The following LIN7A variants were observed in gnomAD, a reference collection of about 807,000 sequenced individuals.
LIN7A encodes lin-7 cell polarity scaffold A.
Under a neutral mutation model 29.8 loss-of-function variants are expected in LIN7A, and 25 were observed. The observed-to-expected ratio is 0.84, with a 90% CI of 0.61 to 1.17. The LOEUF (loss-of-function observed/expected upper bound fraction) is 1.17, where lower values mean the gene tolerates loss of function less well. LIN7A is among the 50% of genes most tolerant of loss of function. The pLI is 0.00. For synonymous variants in LIN7A, 118 were observed against 107.5 expected, an observed-to-expected ratio of 1.10 and a Z score of -0.60; for missense variants, 239 against 287.0, an observed-to-expected ratio of 0.83 and a Z score of 1.21.
chr12:80,909,032 C>A (rs1017977006), intron 1 of LIN7A, among the ~76,000 whole-genome samples: 2 of 152,000 alleles, frequency 1.3e-5, no homozygotes, highest in Non-Finnish European at 2.9e-5. Flanking sequence ...TTAACCTAGG[C>A]AGTTTTGGAC....
In LIN7A at chr12:80,810,101, C is replaced by T. The variant is rs144655257; in HGVS notation, c.*1364G>A. On this transcript the variant is annotated intron_variant, in intron 5 of 5. Transcript: ENST00000552864. ...ATAGTTACCAAGTTGTATAATAGAT[C>T]ATCTTAACTTATTCCCCTTCTACCT... is the stretch of plus-strand genomic sequence containing the variant. Among the ~76,000 whole-genome samples, 6 of 152,204 alleles carry T rather than the reference C, an allele frequency of 3.9e-5. No homozygotes were observed. The East Asian group carries it at 1.2e-3, about 29-fold the overall frequency.
chr12:80,890,173 A>C (rs1324733915), intron 1 of LIN7A, among the ~76,000 whole-genome samples: 1 of 152,176 alleles, frequency 6.6e-6, no homozygotes, highest in Non-Finnish European at 1.5e-5. Context: ...ATAGACATAA[A>C]ATTTAAAATT....
chr12:80,825,366 A>T (rs1671718447), intron 4 of LIN7A, among the ~76,000 whole-genome samples: 1 of 152,238 alleles, frequency 6.6e-6, no homozygotes, highest in South Asian at 2.1e-4. Flanking sequence ...CCCAGGGATG[A>T]TACAGCCTGG....
intron 1 of LIN7A, among the ~76,000 whole-genome samples, chr12:80,899,041 C>T (rs1257561205): frequency 6.6e-6 from 1 of 152,108 alleles, no homozygotes; most frequent in Non-Finnish European, 1.5e-5. Context: ...GGTGATAAGG[C>T]ATCCTTGTCT....
chr12:80,896,313 C>A (rs1875892822), intron 1 of LIN7A, among the ~76,000 whole-genome samples: 1 of 152,196 alleles, frequency 6.6e-6, no homozygotes, highest in African/African-American at 2.4e-5. Flanking sequence ...GCGATAGTAA[C>A]AGTGATGTCC....
intron 1 of LIN7A, among the ~76,000 whole-genome samples, chr12:80,897,643 T>C (rs992856732): frequency 6.6e-6 from 1 of 151,872 alleles, no homozygotes. Flanking sequence ...CCATCTCTAC[T>C]AAAAATAGAA....
intron 4 of LIN7A, among the ~76,000 whole-genome samples, chr12:80,814,267 A>G (rs1438809630): frequency 6.6e-6 from 1 of 151,974 alleles, no homozygotes; most frequent in Non-Finnish European, 1.5e-5. Flanking sequence ...TATAAACCCT[A>G]TTTTCAGTAT....
At chr12:80,926,394 CTTA>C (rs1489913391) in intron 1 of LIN7A, among the ~76,000 whole-genome samples, 4 of 151,870 alleles carry the variant, frequency 2.6e-5, no homozygotes, top group African/African-American at 4.8e-5. Context: ...CAATTTTTAA[CTTA>C]TTATTTGAAT....
At chr12:80,917,303 A>G (rs981897908) in intron 1 of LIN7A, among the ~76,000 whole-genome samples, 7 of 152,350 alleles carry the variant, frequency 4.6e-5, no homozygotes, top group African/African-American at 1.7e-4. Context: ...CAGGCCAGCC[A>G]TATTAAGAAT....
At chr12:80,813,431 C>T (rs12816886) in intron 4 of LIN7A, among the ~76,000 whole-genome samples, 1 of 152,230 alleles carries the variant, frequency 6.6e-6, no homozygotes, top group African/African-American at 2.4e-5. Flanking sequence ...TGAAATTTTT[C>T]TGGAGGGCAC....
chr12:80,805,651 A>G (rs530688980), intron 5 of LIN7A, among the ~76,000 whole-genome samples: 1 of 152,188 alleles, frequency 6.6e-6, no homozygotes, highest in Non-Finnish European at 1.5e-5. Flanking sequence ...ACATGGAGTC[A>G]CAATAAAAAA....
At chr12:80,924,373 A>G (rs552750269) in intron 1 of LIN7A, among the ~76,000 whole-genome samples, 3 of 152,352 alleles carry the variant, frequency 2.0e-5, no homozygotes, top group African/African-American at 7.2e-5. Flanking sequence ...TCTTTCATTT[A>G]TTGCATTGGG....
In LIN7A at chr12:80,889,315, G is replaced by T; in HGVS notation, c.137C>A (p.Pro46Gln). ...LEKLQESGEVPVHKLQSLKKV... is the reference protein window; with the variant it reads ...LEKLQESGEVQVHKLQSLKKV... The stretch of plus-strand genomic sequence containing the variant: ...TTTGAGGGATTGTAGCTTGTGCACT[G>T]GTACTTCTCCAGATTCCTGTAGTTT... The change falls in exon 2 of 6, where the codon CCA (proline) becomes CAA (glutamine). Residue 46 changes from proline to glutamine, a missense_variant. Transcript: ENST00000552864. The T allele has an allele frequency of 1.2e-6, 2 of 1,612,668 alleles. No homozygotes were observed. Among genetic ancestry groups the T allele is most frequent in the Non-Finnish European group, 1.7e-6 (2 of 1,179,134 alleles).
At chr12:80,859,062 A>T (rs1240573704) in intron 2 of LIN7A, among the ~76,000 whole-genome samples, 1 of 152,208 alleles carries the variant, frequency 6.6e-6, no homozygotes, top group Non-Finnish European at 1.5e-5. Context: ...TGCCAGATGT[A>T]GCAATAAAAA....
intron 2 of LIN7A, among the ~76,000 whole-genome samples, chr12:80,853,882 CG>C (rs1315525679): frequency 6.6e-6 from 1 of 151,904 alleles, no homozygotes; most frequent in Non-Finnish European, 1.5e-5. Context: ...TTAATAGAGA[CG>C]GGGTTTCACT....
chr12:80,928,792 G>A (rs1055423419), intron 1 of LIN7A, among the ~76,000 whole-genome samples: 3 of 152,078 alleles, frequency 2.0e-5, no homozygotes, highest in Non-Finnish European at 4.4e-5. Context: ...GAATGGTATT[G>A]CCTAGGTTTT....
At chr12:80,841,994 T>C in intron 4 of LIN7A, 1 of 1,269,100 alleles carries the variant, frequency 7.9e-7, no homozygotes, top group East Asian at 5.6e-5. Flanking sequence ...TATGGAATTG[T>C]ATTAGGTGGT....
At chr12:80,823,665 A>T (rs2132231) in intron 4 of LIN7A, among the ~76,000 whole-genome samples, 8 of 152,188 alleles carry the variant, frequency 5.3e-5, no homozygotes, top group Non-Finnish European at 1.2e-4. Flanking sequence ...CAGCAGGCCC[A>T]AGCAAAATTT....
intron 4 of LIN7A, among the ~76,000 whole-genome samples, chr12:80,839,267 T>C (rs1490670702): frequency 6.6e-6 from 1 of 152,242 alleles, no homozygotes; most frequent in African/African-American, 2.4e-5. Context: ...ACTGCCTGAG[T>C]TAGAATCTCT....
Sources: allele counts gnomAD v4.1 joint callset (sites outside exome capture counted in the v4.1 genomes callset), GRCh38; gene constraint gnomAD v4.1.1; transcripts MANE v1.5; gene names NCBI Gene and HGNC (gene_info 2026-07-23, HGNC 2026-07-21).